GOLGA4: variants seen among roughly 807,000 people sequenced by gnomAD.
The protein encoded by GOLGA4 is golgin A4.
In GOLGA4, 169 loss-of-function variants were observed where a neutral mutation model predicts 265.9. The observed-to-expected ratio is 0.64, with a 90% CI of 0.56 to 0.72. The LOEUF (loss-of-function observed/expected upper bound fraction) is 0.72. Ranked by LOEUF, GOLGA4 falls within the 30% of genes least tolerant of loss-of-function variation. The pLI is 0.00. For missense variants in GOLGA4, 2,482 were observed against 2,483.4 expected (o/e 1.00, Z 0.01); for synonymous variants, 923 against 855.8 (o/e 1.08, Z -1.37).
chr3:37,289,194 G>T, intron 4 of GOLGA4, 41 bp from the exon 5 acceptor site: 1 of 1,059,002 alleles, frequency 9.4e-7, no homozygotes, highest in Non-Finnish European at 1.4e-6. Flanking sequence ...ATGTCATACA[G>T]TTAGCTGTTT....
Position 37,272,497 on chromosome 3 carries a change from A to G in GOLGA4, c.163-9461A>G, listed in dbSNP as rs983221793. 3.3e-5 allele frequency among the ~76,000 whole-genome samples: 5 copies of G among 152,222 alleles called. No homozygotes were observed. In the South Asian group the frequency reaches 1.0e-3, roughly 32 times the overall value. ...GGCTGTAGTCAGCTGTGAGCATGTC[A>G]TTGCACTCCATCTTGGGCAATGGAG... is the stretch of plus-strand genomic sequence containing the variant. On this transcript the variant is annotated intron_variant, in intron 2 of 23. Transcript: ENST00000361924.
rs1340364005 is a variant in GOLGA4, at chr3:37,321,480, A to G, written c.1546-251A>G. The G allele has an allele frequency of 1.7e-5, 6 of 348,906 alleles. No individual in the cohort carries two copies. The East Asian group carries it at 2.9e-4, about 17-fold the overall frequency. 21.6% of individuals were successfully genotyped at this position (348,906 alleles called of 1,614,324 possible). On this transcript the variant is annotated intron_variant, in intron 12 of 23. Transcript: ENST00000361924. ...AGTGTTTCGTAAAACAAGTAGTGGA[A>G]AAATAGCAGACATAGTGGGGTTATT...
At chr3:37,322,950 A>G (rs1183445980) in intron 13 of GOLGA4, among the ~76,000 whole-genome samples, 3 of 152,020 alleles carry the variant, frequency 2.0e-5, no homozygotes, top group South Asian at 2.1e-4. Flanking sequence ...AAAAACCCCA[A>G]TCTTCCTACC....
intron 10 of GOLGA4, among the ~76,000 whole-genome samples, chr3:37,303,980 T>A (rs2096899781): frequency 6.6e-6 from 1 of 152,198 alleles, no homozygotes; most frequent in East Asian, 1.9e-4. Context: ...CCTACATTTA[T>A]GCACAGAGAA....
At chr3:37,334,510 G>A (rs2150996563) in intron 16 of GOLGA4, among the ~76,000 whole-genome samples, 1 of 152,224 alleles carries the variant, frequency 6.6e-6, no homozygotes, top group South Asian at 2.1e-4. Context: ...ACTAAAGAGG[G>A]TGAGAAAAAC....
chr3:37,323,039 A>G (rs2096959401), intron 13 of GOLGA4, among the ~76,000 whole-genome samples: 1 of 151,964 alleles, frequency 6.6e-6, no homozygotes. Flanking sequence ...TAGGTAGCTG[A>G]AAAGGTTCCC....
intron 2 of GOLGA4, among the ~76,000 whole-genome samples, chr3:37,277,765 G>A (rs986785373): frequency 6.6e-6 from 1 of 151,752 alleles, no homozygotes; most frequent in African/African-American, 2.4e-5. Flanking sequence ...TTTGACATAG[G>A]TTCCCTAGGG....
intron 16 of GOLGA4, among the ~76,000 whole-genome samples, chr3:37,332,752 C>G (rs1453047779): frequency 6.6e-6 from 1 of 152,018 alleles, no homozygotes; most frequent in Non-Finnish European, 1.5e-5. Flanking sequence ...TGTAAACAAG[C>G]AAAAATGAAA....
At chr3:37,266,117 G>A (rs571942311) in intron 2 of GOLGA4, among the ~76,000 whole-genome samples, 3 of 151,316 alleles carry the variant, frequency 2.0e-5, no homozygotes, top group East Asian at 3.9e-4. Flanking sequence ...GATAACTTAC[G>A]TAGCTTGCGT....
At chr3:37,315,933 C>T (rs927846978) in intron 11 of GOLGA4, among the ~76,000 whole-genome samples, 29 of 152,116 alleles carry the variant, frequency 1.9e-4, no homozygotes, top group Admixed American at 5.9e-4. Context: ...CAAGAAGGTA[C>T]TTGCCTAATG....
At chr3:37,337,535 C>A (rs960608151) in intron 18 of GOLGA4, 131 bp from the exon 19 acceptor site, 16 of 647,554 alleles carry the variant, frequency 2.5e-5, no homozygotes, top group Non-Finnish European at 4.5e-5. Flanking sequence ...GAAAGTCATG[C>A]ATTTTAGGGG....
At chr3:37,316,426 T>A (rs991094676) in intron 11 of GOLGA4, among the ~76,000 whole-genome samples, 1 of 152,220 alleles carries the variant, frequency 6.6e-6, no homozygotes, top group Non-Finnish European at 1.5e-5. Context: ...CTTTTACTTA[T>A]GAGTGCATAA....
chr3:37,303,284 G>A (rs2096897714), intron 10 of GOLGA4, among the ~76,000 whole-genome samples: 1 of 152,224 alleles, frequency 6.6e-6, no homozygotes, highest in African/African-American at 2.4e-5. Context: ...AATGAAATAG[G>A]AAGTCAAACT....
intron 21 of GOLGA4, among the ~76,000 whole-genome samples, chr3:37,348,071 T>C (rs1302668247): frequency 1.3e-5 from 2 of 152,194 alleles, no homozygotes; most frequent in African/African-American, 4.8e-5. Context: ...ATAATGAATT[T>C]TCTATGCTCG....
At chr3:37,322,353 C>T (rs1038595980) in intron 13 of GOLGA4, among the ~76,000 whole-genome samples, 6 of 152,140 alleles carry the variant, frequency 3.9e-5, no homozygotes, top group African/African-American at 1.4e-4. Context: ...TAAACATAGT[C>T]CCGTAATGAA....
rs947802824 is a variant in GOLGA4, at chr3:37,275,826, G to T, written c.163-6132G>T. 6.2e-6 allele frequency: 10 copies of T among 1,613,670 alleles called. No homozygotes were observed. The African/African-American group carries it at 1.3e-4, about 22-fold the overall frequency. Reference sequence around the variant, plus strand: ...ACCCTGGAATTACTGCAGTCCACAAGAATCGGAATGTCAGTTAATGCTATT... The same window carrying T: ...ACCCTGGAATTACTGCAGTCCACAATAATCGGAATGTCAGTTAATGCTATT... On this transcript the variant is annotated intron_variant, in intron 2 of 23. Transcript: ENST00000361924.
chr3:37,287,010 C>G (rs562120237), intron 4 of GOLGA4, among the ~76,000 whole-genome samples: 10 of 152,188 alleles, frequency 6.6e-5, no homozygotes, highest in South Asian at 4.1e-4. Flanking sequence ...TATCCATTCC[C>G]TTTCAAATGG....
At chr3:37,288,360 C>T (rs149997861) in intron 4 of GOLGA4, among the ~76,000 whole-genome samples, 5,838 of 151,866 alleles carry the variant, frequency 0.038, 142 homozygotes, top group African/African-American at 0.056. Context: ...CCGCCTGCCT[C>T]GGCCTCCCAA....
In GOLGA4 at chr3:37,298,995, G is replaced by A. The variant is rs1475636425; in HGVS notation, c.977G>A (p.Arg326Lys). 6.9e-6 allele frequency: 11 copies of A among 1,594,782 alleles called. No individual in the cohort carries two copies. The highest frequency in any genetic ancestry group is 8.5e-6 in the Non-Finnish European group (10 of 1,175,094). Reference protein sequence around the residue: ...KEALQEQLDERLQELEKIKDL... With the variant: ...KEALQEQLDEKLQELEKIKDL... ...GCTCTGCAAGAACAACTGGATGAAAGACTTCAAGAACTAGAAAAGATAAAG... is the reference window on the plus strand; with the variant it reads ...GCTCTGCAAGAACAACTGGATGAAAAACTTCAAGAACTAGAAAAGATAAAG... Residue 326 changes from arginine to lysine, a missense_variant, in exon 8 of 24, where the codon AGA becomes AAA. Physicochemically the swap from Arg to Lys is conservative, Grantham distance 26. Around this residue, in one of 3 missense-constraint regions of GOLGA4, gnomAD observed 1,536 missense variants for 1,483.7 expected, o/e 1.04. Coordinates refer to ENST00000361924, the MANE Select transcript of GOLGA4 (RefSeq NM_002078.5).
Sources: gnomAD v4.1 joint callset for allele counts (sites outside exome capture counted in the v4.1 genomes callset) on GRCh38, gnomAD v4.1.1 for gene constraint, gnomAD v4.1.1 regional missense constraint, MANE v1.5 for transcripts, NCBI Gene and HGNC (gene_info 2026-07-23, HGNC 2026-07-21) for gene names.